CHKB: variants seen among roughly 807,000 people sequenced by gnomAD.
The protein encoded by CHKB is choline kinase beta, also known as choline/ethanolamine kinase.
CHKB carries 45 observed loss-of-function variants against 57.3 expected under a neutral mutation model. The ratio of observed to expected loss-of-function variants is 0.79; its 90% CI spans 0.62 to 1.01. The LOEUF (loss-of-function observed/expected upper bound fraction) is 1.01. CHKB is among the 50% of genes least tolerant of loss of function. CHKB has a pLI of 0.00. For missense variants in CHKB, 517 were observed against 502.8 expected (o/e 1.03, Z -0.27); for synonymous variants, 224 against 201.8 (o/e 1.11, Z -0.93).
In CHKB at chr22:50,579,453, G is replaced by A; in HGVS notation, c.1086C>T (p.Ser362=). ...FWGLWSILQA[S]MSTIEFGYLD... is the part of the protein sequence containing the mutation. ...AGTAACCAAATTCTATGGTGGACAT[G>A]GATGCCTGGAGGATGGACCACAGAC... The change falls in exon 10 of 11, where the codon TCC becomes TCT. Residue 362 remains serine, a synonymous_variant. Coordinates refer to ENST00000406938, the MANE Select transcript of CHKB (RefSeq NM_005198.5). 7 of 1,613,566 alleles carry A rather than the reference G, an allele frequency of 4.3e-6. No individual in the cohort carries two copies. The highest frequency in any genetic ancestry group is 1.7e-6 in the Non-Finnish European group (2 of 1,179,954).
In CHKB at chr22:50,582,701, C is replaced by T. The variant is rs774227072; in HGVS notation, c.81G>A (p.Lys27=). 16 of 1,609,894 alleles carry T rather than the reference C, an allele frequency of 9.9e-6. No individual in the cohort carries two copies. The highest frequency in any genetic ancestry group is 6.7e-5 in the African/African-American group (5 of 74,770). ...GCCGTTTTGGGGTAGTGTCCGGGCACTTAGACTGCTGCAAGCCGTCTTTGG... is the reference window on the plus strand; with the variant it reads ...GCCGTTTTGGGGTAGTGTCCGGGCATTTAGACTGCTGCAAGCCGTCTTTGG... ...CLAKDGLQQS[K]CPDTTPKRRR... is the part of the protein sequence containing the mutation. The change falls in exon 1 of 11, where the codon AAG becomes AAA. Residue 27 remains lysine (K), a synonymous_variant. Coordinates refer to ENST00000406938, the MANE Select transcript of CHKB (RefSeq NM_005198.5).
chr22:50,581,954 T>C lies in CHKB; in HGVS notation c.334-92A>G, dbSNP rs149303496. 8.8e-3 allele frequency: 9,819 copies of C among 1,114,556 alleles called. 72 individuals carry two copies. The highest frequency in any genetic ancestry group is 0.011 in the Non-Finnish European group (7,817 of 728,910). 69.0% of individuals were successfully genotyped at this position (1,114,556 alleles called of 1,614,324 possible). Reference sequence around the variant, plus strand: ...TTCCTCCCACCAGAGCTGCGACTTCTGATCCAATTGCCTGGAGGCTCTGGA... The same window carrying C: ...TTCCTCCCACCAGAGCTGCGACTTCCGATCCAATTGCCTGGAGGCTCTGGA... On this transcript the variant is annotated intron_variant, in intron 2 of 10. Transcript: ENST00000406938.
In CHKB at chr22:50,580,431, G is replaced by A; in HGVS notation, c.678-15C>T. 3 of 1,613,952 alleles carry A rather than the reference G, an allele frequency of 1.9e-6. No individual in the cohort carries two copies. The highest frequency in any genetic ancestry group is 2.5e-6 in the Non-Finnish European group (3 of 1,179,988). On this transcript the variant is annotated splice_polypyrimidine_tract_variant and intron_variant, in intron 5 of 10. Coordinates refer to ENST00000406938, the MANE Select transcript of CHKB (RefSeq NM_005198.5). ...CTAGTAACTTCCTACAGGGGTATGG[G>A]AGCATGGGTCCTGAGCAGGAGTGAC...
chr22:50,580,842 C>T lies in CHKB; in HGVS notation c.582-182G>A, dbSNP rs6010013. On this transcript the variant is annotated intron_variant, in intron 4 of 10. Transcript: ENST00000406938. ...TCACCCAGGCTGGAGTGCAGTGGCG[C>T]GATCTTGGCTCACTGCAACCTCTGC... 0.058 allele frequency: 35,845 copies of T among 616,500 alleles called. 1,182 individuals carry two copies. Among genetic ancestry groups the T allele is most frequent in the Non-Finnish European group, 0.067 (22,896 of 341,536 alleles). 38.2% of individuals were successfully genotyped at this position (616,500 alleles called of 1,614,324 possible).
In CHKB at chr22:50,579,174, G is replaced by C; in HGVS notation, c.*7C>G. ...CCAGGAGAAATCCAAGGAGTGGGAG[G>C]GTGGAGTCAGGATGAGGAGTGGACA... On this transcript the variant is annotated 3_prime_UTR_variant, in exon 11 of 11. Coordinates refer to ENST00000406938, the MANE Select transcript of CHKB (RefSeq NM_005198.5). 5.0e-6 allele frequency: 8 copies of C among 1,612,956 alleles called. No homozygotes were observed. The highest frequency in any genetic ancestry group is 6.8e-6 in the Non-Finnish European group (8 of 1,179,412).
rs370762990 is a variant in CHKB at position 50,582,699 on chromosome 22, C to T, written c.83G>A (p.Cys28Tyr). Residue 28 changes from cysteine (C) to tyrosine (Y), a missense_variant, in exon 1 of 11, where the codon TGC (cysteine) becomes TAC (tyrosine). By Grantham distance (194) the Cys-to-Tyr change is radical. Coordinates refer to ENST00000406938, the MANE Select transcript of CHKB (RefSeq NM_005198.5). ...LAKDGLQQSK[C>Y]PDTTPKRRRA... ...CCGCCGTTTTGGGGTAGTGTCCGGG[C>T]ACTTAGACTGCTGCAAGCCGTCTTT... The T allele has an allele frequency of 3.1e-5, 50 of 1,610,146 alleles. No individual in the cohort carries two copies. In the South Asian group the frequency reaches 3.9e-4, roughly 12 times the overall value.
In CHKB at chr22:50,579,775, T is replaced by C. The variant is rs141381896; in HGVS notation, c.983A>G (p.Gln328Arg). The C allele has an allele frequency of 4.7e-3, 7,600 of 1,614,094 alleles. 24 individuals carry two copies. Among genetic ancestry groups the C allele is most frequent in the Middle Eastern group, 9.4e-3 (57 of 6,062 alleles). Residue 328 changes from glutamine to arginine, a missense_variant, in exon 9 of 11, where the codon CAA becomes CGA. Coordinates refer to ENST00000406938, the MANE Select transcript of CHKB (RefSeq NM_005198.5). The stretch of plus-strand genomic sequence containing the variant: ...TTCTTCCAGTTTTCTCTGCTCCTCT[T>C]GGGAGAGGGTCTCACCTTTCTTTGC... ...AEAKKGETLS[Q>R]EEQRKLEEDL...
At position 50,582,346 on chromosome 22, in the gene CHKB, C is replaced by T. The variant is rs13054973; in HGVS notation, c.236G>A (p.Ser79Asn). Reference protein sequence around the residue: ...LRVYPVSGGLSNLLFRCSLPD... With the variant: ...LRVYPVSGGLNNLLFRCSLPD... ...GAGCGAGCAGCGGAAGAGCAGGTTG[C>T]TGAGGCCTCCGCTGCAGACCCACAC... Residue 79 changes from serine (S) to asparagine (N), a missense_variant, in exon 2 of 11, where the codon AGC becomes AAC. Coordinates refer to ENST00000406938, the MANE Select transcript of CHKB (RefSeq NM_005198.5). 1 of 1,562,840 alleles carries T rather than the reference C, an allele frequency of 6.4e-7. No homozygotes were observed. The highest frequency in any genetic ancestry group is 2.4e-5 in the East Asian group (1 of 42,414).
intron 2 of CHKB, 109 bp from the exon 3 acceptor site, chr22:50,581,971 G>A: frequency 1.0e-6 from 1 of 975,162 alleles, no homozygotes. Flanking sequence ...ATTGCCTGGA[G>A]GCTCTGGAGC....
At chr22:50,581,957 T>C in intron 2 of CHKB, 95 bp from the exon 3 acceptor site, 1 of 1,095,510 alleles carries the variant, frequency 9.1e-7, no homozygotes, top group Admixed American at 1.8e-5. Context: ...CGACTTCTGA[T>C]CCAATTGCCT....
chr22:50,580,564 C>G lies in CHKB; in HGVS notation c.677+1G>C. The G allele has an allele frequency of 5.0e-6, 8 of 1,614,108 alleles. No individual in the cohort carries two copies. The highest frequency in any genetic ancestry group is 6.8e-6 in the Non-Finnish European group (8 of 1,180,028). ...ATTAGCCTTGTCCTGCCTGCCCTCA[C>G]CTGAGGTTGCCCATCTCATCCTTCA... On this transcript the variant is annotated splice_donor_variant, in intron 5 of 10. Coordinates refer to ENST00000406938, the MANE Select transcript of CHKB (RefSeq NM_005198.5). LOFTEE classifies it high-confidence loss of function.
chr22:50,581,918 G>A (rs1307593708), intron 2 of CHKB, 56 bp from the exon 3 acceptor site: 15 of 1,475,496 alleles, frequency 1.0e-5, no homozygotes, highest in Middle Eastern at 3.4e-4. Flanking sequence ...GGACACACAT[G>A]AGGGCTCGCC....
At chr22:50,579,532 G>A (rs1299352617) in intron 9 of CHKB, 25 bp from the exon 10 acceptor site, 1 of 1,611,152 alleles carries the variant, frequency 6.2e-7, no homozygotes, top group Non-Finnish European at 8.5e-7. Flanking sequence ...GGAAAAGGAG[G>A]GGCATTCAAG....
intron 5 of CHKB, 30 bp from the exon 6 acceptor site, chr22:50,580,446 G>T: frequency 6.2e-7 from 1 of 1,613,456 alleles, no homozygotes; most frequent in Non-Finnish European, 8.5e-7. Flanking sequence ...TGGGTCCTGA[G>T]CAGGAGTGAC....
rs1322938685 is a variant in CHKB, at chr22:50,579,185, G to C, written c.1184C>G (p.Ser395Cys). 1.9e-6 allele frequency: 3 copies of C among 1,613,490 alleles called. No homozygotes were observed. Among genetic ancestry groups the C allele is most frequent in the Admixed American group, 1.7e-5 (1 of 59,974 alleles). ...CCAAGGAGTGGGAGGGTGGAGTCAG[G>C]ATGAGGAGTGGACACTGGTCAGCTG... ...KGQLTSVHSS[S>C] The change falls in exon 11 of 11, where the codon TCC (serine) becomes TGC (cysteine). Residue 395 changes from serine to cysteine, a missense_variant. Physicochemically the swap from Ser to Cys is moderately radical, Grantham distance 112. Transcript: ENST00000406938.
intron 1 of CHKB, 72 bp downstream of exon 1, chr22:50,582,486 C>A: frequency 6.6e-7 from 1 of 1,504,808 alleles, no homozygotes; most frequent in Non-Finnish European, 8.9e-7. Context: ...AAACATGGAG[C>A]ATCCTGAGGG....
Position 50,579,419 on chromosome 22 carries a change from C to T in CHKB, c.1113+7G>A. 1 of 1,611,676 alleles carries T rather than the reference C, an allele frequency of 6.2e-7. No individual in the cohort carries two copies. The highest frequency in any genetic ancestry group is 8.5e-7 in the Non-Finnish European group (1 of 1,178,770). On this transcript the variant is annotated splice_region_variant and intron_variant, in intron 10 of 10. Transcript: ENST00000406938. The stretch of plus-strand genomic sequence containing the variant: ...CAGCTAGCATTCCCATCCCCAGGGT[C>T]ACTTACCAAGTAACCAAATTCTATG...
rs2070649851 is a variant in CHKB, at chr22:50,580,031, G to GT, written c.869dup (p.His290GlnfsTer35). ...TTGCTTTGTAGAAAGGCCATTCCTCGTGAGTATAATCATAAACCCACTCAC... is the reference window on the plus strand; with the variant it reads ...TTGCTTTGTAGAAAGGCCATTCCTCGTTGAGTATAATCATAAACCCACTCAC... On this transcript the variant is annotated frameshift_variant, in exon 8 of 11. Coordinates refer to ENST00000406938, the MANE Select transcript of CHKB (RefSeq NM_005198.5). LOFTEE classifies it high-confidence loss of function. 6.2e-7 allele frequency: 1 copy of GT among 1,613,866 alleles called. No homozygotes were observed. The highest frequency in any genetic ancestry group is 1.3e-5 in the African/African-American group (1 of 74,878).
Position 50,582,801 on chromosome 22 carries a change from C to T in CHKB, c.-20G>A, listed in dbSNP as rs1569055112. ...CGCCATGGCGCGGGCTCGACCGGGC[C>T]CCAGGCCAGGCTGCGCTCCGCTCCC... is the stretch of plus-strand genomic sequence containing the variant. On this transcript the variant is annotated 5_prime_UTR_variant, in exon 1 of 11. Coordinates refer to ENST00000406938, the MANE Select transcript of CHKB (RefSeq NM_005198.5). 5 of 1,546,152 alleles carry T rather than the reference C, an allele frequency of 3.2e-6. No homozygotes were observed. Among genetic ancestry groups the T allele is most frequent in the Non-Finnish European group, 3.5e-6 (4 of 1,147,868 alleles).
Sources: gnomAD v4.1 joint callset for allele counts on GRCh38, gnomAD v4.1.1 for gene constraint, MANE v1.5 for transcripts, NCBI Gene and HGNC (gene_info 2026-07-23, HGNC 2026-07-21) for gene names.